Variants in CYP2B6 observed in about 807,000 individuals in gnomAD.
CYP2B6 encodes cytochrome P450 family 2 subfamily B member 6, also known as cytochrome P450 2B6.
In CYP2B6, 35 loss-of-function variants were observed where a neutral mutation model predicts 43.4. The observed-to-expected ratio is 0.81, with a 90% confidence interval of 0.62 to 1.07. CYP2B6 has a LOEUF of 1.07. CYP2B6 is among the 50% of genes least tolerant of loss of function. CYP2B6 has a pLI of 0.00. For synonymous variants in CYP2B6, 239 were observed against 239.2 expected (o/e 1.00, Z 0.01); for missense variants, 624 against 632.8 (o/e 0.99, Z 0.15).
chr19:40,999,792 G>C (rs562393632), intron 1 of CYP2B6, among the ~76,000 whole-genome samples: 1 of 152,146 alleles, frequency 6.6e-6, no homozygotes, highest in South Asian at 2.1e-4. Flanking sequence ...GTGCTCAGGA[G>C]ATTCTCCCAC....
Position 41,016,713 on chromosome 19 carries a change from C to T in CYP2B6, c.1362C>T (p.Leu454=). The change falls in exon 9 of 9, where the codon CTC becomes CTT. Residue 454 remains leucine (L), a synonymous_variant. Transcript: ENST00000324071. ...AELFLFFTTI[L]QNFSMASPVA... is the part of the protein sequence containing the mutation. ...TGTTCCTCTTCTTCACCACCATCCT[C>T]CAGAACTTCTCCATGGCCAGCCCCG... The T allele has an allele frequency of 6.2e-7, 1 of 1,614,212 alleles. No homozygotes were observed. The highest frequency in any genetic ancestry group is 8.5e-7 in the Non-Finnish European group (1 of 1,180,028).
At chr19:41,006,589 G>C (rs1969191267) in intron 3 of CYP2B6, among the ~76,000 whole-genome samples, 1 of 151,940 alleles carries the variant, frequency 6.6e-6, no homozygotes, top group Admixed American at 6.6e-5. Context: ...CCGGCTGCAT[G>C]GACTCTATAG....
chr19:40,999,187 AT>A (rs1407918979), intron 1 of CYP2B6, among the ~76,000 whole-genome samples: 1 of 151,988 alleles, frequency 6.6e-6, no homozygotes, highest in African/African-American at 2.4e-5. Context: ...GATGTTGAGC[AT>A]TTTTTCATGT....
chr19:41,017,745 C>G lies in CYP2B6; in HGVS notation c.*918C>G, dbSNP rs34404077. The G allele has an allele frequency of 3.9e-5, 6 of 152,292 alleles. No homozygotes were observed. In the East Asian group the frequency reaches 1.2e-3, roughly 29 times the overall value. The allele number at this position is 152,292 out of a possible 1,614,324, so 9.4% of individuals were successfully genotyped here. ...AAAACCCATACCTATCAAGCTGTCA[C>G]TCCCCATACCCCATTCTCTTTTTCA... On this transcript the variant is annotated 3_prime_UTR_variant, in exon 9 of 9. Coordinates refer to ENST00000324071, the MANE Select transcript of CYP2B6 (RefSeq NM_000767.5).
intron 3 of CYP2B6, among the ~76,000 whole-genome samples, chr19:41,005,369 C>T (rs1378372056): frequency 1.3e-5 from 2 of 152,052 alleles, no homozygotes; most frequent in Non-Finnish European, 2.9e-5. Flanking sequence ...AATGCAGAGG[C>T]TGCATGGGGA....
chr19:41,010,783 C>T (rs1414093493), intron 6 of CYP2B6, among the ~76,000 whole-genome samples: 1 of 152,032 alleles, frequency 6.6e-6, no homozygotes, highest in Non-Finnish European at 1.5e-5. Flanking sequence ...TCTCATCATT[C>T]ACCCCCCTTC....
chr19:41,002,475 T>A (rs541183889), intron 1 of CYP2B6, among the ~76,000 whole-genome samples: 93 of 152,254 alleles, frequency 6.1e-4, no homozygotes, highest in African/African-American at 2.2e-3. Flanking sequence ...TGCACCCTGT[T>A]CTTTTCTATT....
chr19:41,007,930 T>C (rs556148590), intron 4 of CYP2B6, among the ~76,000 whole-genome samples: 192 of 152,174 alleles, frequency 1.3e-3, no homozygotes, highest in African/African-American at 4.5e-3. Context: ...CCAGACTGCT[T>C]CTGGTTCTTC....
chr19:41,004,544 A>G, intron 3 of CYP2B6, 98 bp downstream of exon 3: 3 of 1,379,302 alleles, frequency 2.2e-6, no homozygotes, highest in South Asian at 1.2e-5. Flanking sequence ...AAGGGCACAG[A>G]CAGAGACAGA....
At chr19:40,997,249 C>G (rs1288032632) in intron 1 of CYP2B6, among the ~76,000 whole-genome samples, 3 of 151,952 alleles carry the variant, frequency 2.0e-5, no homozygotes, top group Non-Finnish European at 4.4e-5. Flanking sequence ...ATACCGGTAA[C>G]TGCCACTGGC....
intron 5 of CYP2B6, chr19:41,009,648 GGA>G (rs531329710): frequency 3.6e-5 from 22 of 611,576 alleles, no homozygotes; most frequent in African/African-American, 1.1e-4. Context: ...AAAGACAGAG[GGA>G]GAGAGAGAGA....
rs139029625 is a variant in CYP2B6, at chr19:41,010,006, G to T, written c.835G>T (p.Ala279Ser). ...ACTGTGGACGCAGGAGAAATCCAACGCACACAGTGAATTCAGCCACCAGAA... is the reference window on the plus strand; with the variant it reads ...ACTGTGGACGCAGGAGAAATCCAACTCACACAGTGAATTCAGCCACCAGAA... The part of the protein sequence containing the change: ...LLHMEKEKSN[A>S]HSEFSHQNLN... The change falls in exon 6 of 9, where the codon GCA (alanine) becomes TCA (serine). Residue 279 changes from alanine to serine, a missense_variant. By Grantham distance (99) the Ala-to-Ser change is moderately conservative. Coordinates refer to ENST00000324071, the MANE Select transcript of CYP2B6 (RefSeq NM_000767.5). The T allele has an allele frequency of 4.3e-6, 7 of 1,613,962 alleles. No homozygotes were observed. The highest frequency in any genetic ancestry group is 5.9e-6 in the Non-Finnish European group (7 of 1,179,978).
intron 6 of CYP2B6, 68 bp downstream of exon 6, chr19:41,010,203 G>A (rs1339606000): frequency 6.3e-7 from 1 of 1,580,242 alleles, no homozygotes; most frequent in East Asian, 2.2e-5. Context: ...TGGGGCTATG[G>A]GTACCACCTG....
intron 3 of CYP2B6, among the ~76,000 whole-genome samples, chr19:41,005,248 G>C (rs1969159098): frequency 6.6e-6 from 1 of 152,020 alleles, no homozygotes; most frequent in Non-Finnish European, 1.5e-5. Context: ...TCCATAACTT[G>C]GTGTCTGTGA....
chr19:40,993,647 G>A (rs990597157), intron 1 of CYP2B6, among the ~76,000 whole-genome samples: 3 of 152,076 alleles, frequency 2.0e-5, no homozygotes, highest in Non-Finnish European at 4.4e-5. Flanking sequence ...AGGACACAGA[G>A]CCAAACCATA....
chr19:41,003,382 G>T (rs1969126351), intron 1 of CYP2B6, among the ~76,000 whole-genome samples: 1 of 152,130 alleles, frequency 6.6e-6, no homozygotes, highest in Non-Finnish European at 1.5e-5. Context: ...GGGTGGGACA[G>T]AGTGGATGGT....
chr19:40,993,304 A>C (rs1968949867), intron 1 of CYP2B6, among the ~76,000 whole-genome samples: 1 of 152,178 alleles, frequency 6.6e-6, no homozygotes, highest in East Asian at 1.9e-4. Context: ...GAGACTGGGT[A>C]ATTTATAAAC....
chr19:41,016,607 C>T lies in CYP2B6; in HGVS notation c.1295-39C>T, dbSNP rs775953206. On this transcript the variant is annotated intron_variant, in intron 8 of 8. Coordinates refer to ENST00000324071, the MANE Select transcript of CYP2B6 (RefSeq NM_000767.5). ...ACATGGCAGAGCGAAGTGTATGCAC[C>T]TGCCCTGTGCCCACACTGGTGACCT... 9.3e-6 allele frequency: 15 copies of T among 1,609,378 alleles called. No individual in the cohort carries two copies. In the South Asian group the frequency reaches 1.5e-4, roughly 17 times the overall value.
rs780020283 is a variant in CYP2B6 at position 41,009,255 on chromosome 19, C to T, written c.682C>T (p.Pro228Ser). The T allele has an allele frequency of 6.2e-7, 1 of 1,612,894 alleles. No homozygotes were observed. Among genetic ancestry groups the T allele is most frequent in the South Asian group, 1.1e-5 (1 of 90,996 alleles). ...ELFSGFLKYF[P>S]GAHRQVYKNL... ...CTTCTCTGGCTTCTTGAAATACTTT[C>T]CTGGGGCACACAGGCAAGTTTACAA... The change falls in exon 5 of 9, where the codon CCT becomes TCT. Residue 228 changes from proline (P) to serine (S), a missense_variant. Pro to Ser is a moderately conservative substitution (Grantham distance 74, BLOSUM62 -1). Transcript: ENST00000324071.
Sources: gnomAD v4.1 joint callset for allele counts (sites outside exome capture counted in the v4.1 genomes callset) on GRCh38, gnomAD v4.1.1 for gene constraint, MANE v1.5 for transcripts, NCBI Gene and HGNC (gene_info 2026-07-23, HGNC 2026-07-21) for gene names.